ANKRD44: variants seen among roughly 807,000 people sequenced by gnomAD.
ANKRD44 encodes serine/threonine-protein phosphatase 6 regulatory ankyrin repeat subunit B.
ANKRD44 carries 35 observed loss-of-function variants against 116.0 expected under a neutral mutation model. The ratio of observed to expected loss-of-function variants is 0.30; its 90% CI spans 0.23 to 0.40. The LOEUF (loss-of-function observed/expected upper bound fraction) is 0.40, where lower values mean the gene tolerates loss of function less well. ANKRD44 is among the 10% of genes least tolerant of loss of function. The pLI, the probability that ANKRD44 is intolerant of heterozygous loss-of-function variation, is 1.00. For synonymous variants in ANKRD44, 435 were observed against 461.8 expected (o/e 0.94, Z 0.74); for missense variants, 1,014 against 1,242.6 (o/e 0.82, Z 2.77).
In ANKRD44 at chr2:197,125,858, C is replaced by T. The variant is rs761209941; in HGVS notation, c.441G>A (p.Ala147=). Residue 147 remains alanine, a synonymous_variant, in exon 5 of 28, where the codon GCG becomes GCA. Transcript: ENST00000282272. ...CCACCTCCACGTGGCCGTTCAGAGC[C>T]GCATGGTGCAAGGCTGTGCGCCCCC... ...DRGGRTALHH[A]ALNGHVEMVN... 2.5e-5 allele frequency: 40 copies of T among 1,613,998 alleles called. No homozygotes were observed. Among genetic ancestry groups the T allele is most frequent in the Admixed American group, 3.3e-5 (2 of 60,012 alleles).
intron 2 of ANKRD44, among the ~76,000 whole-genome samples, chr2:197,167,527 C>A (rs2080127178): frequency 6.6e-6 from 1 of 152,130 alleles, no homozygotes. Flanking sequence ...GAACCCAAAT[C>A]AAGAATAATT....
At chr2:197,146,888 A>G in intron 3 of ANKRD44, 139 bp downstream of exon 3, 2 of 578,834 alleles carry the variant, frequency 3.5e-6, no homozygotes, top group Non-Finnish European at 3.0e-6. Context: ...TCTTTGTGTA[A>G]TGATAAAATC....
intron 2 of ANKRD44, among the ~76,000 whole-genome samples, chr2:197,177,599 T>G (rs946150814): frequency 3.9e-5 from 6 of 152,204 alleles, no homozygotes; most frequent in African/African-American, 1.2e-4. Flanking sequence ...TGTGTTTGTG[T>G]GTGTGTGTGT....
intron 3 of ANKRD44, among the ~76,000 whole-genome samples, chr2:197,139,124 A>T (rs1034185534): frequency 1.3e-5 from 2 of 152,164 alleles, no homozygotes; most frequent in Non-Finnish European, 2.9e-5. Context: ...ACAATGTGGC[A>T]TTATCTAGTA....
Position 197,212,802 on chromosome 2 carries a change from A to G in ANKRD44, c.28-25696T>C, listed in dbSNP as rs964437405. ...TGGACACGTACACACACAAACACAC[A>G]CTTCAATCAGGAACTCGGTGATCAC... On this transcript the variant is annotated intron_variant, in intron 1 of 27. Coordinates refer to ENST00000282272, the MANE Select transcript of ANKRD44 (RefSeq NM_001195144.2). This position sits in a 1 kb window ranked among gnomAD's most constrained non-coding sequence, Gnocchi z 4.8. Among the ~76,000 whole-genome samples, 4 of 152,122 alleles carry G rather than the reference A, an allele frequency of 2.6e-5. No individual in the cohort carries two copies. The highest frequency in any genetic ancestry group is 2.0e-4 in the Admixed American group (3 of 15,254).
intron 1 of ANKRD44, among the ~76,000 whole-genome samples, chr2:197,289,282 C>T (rs1189998292): frequency 6.6e-6 from 1 of 152,108 alleles, no homozygotes; most frequent in Non-Finnish European, 1.5e-5. Context: ...CAAGTGTTGA[C>T]AAGGATGTGG....
In ANKRD44 at chr2:197,147,046, A is replaced by C; in HGVS notation, c.171T>G (p.Ile57Met). The C allele has an allele frequency of 6.2e-7, 1 of 1,613,818 alleles. No individual in the cohort carries two copies. Among genetic ancestry groups the C allele is most frequent in the Non-Finnish European group, 8.5e-7 (1 of 1,179,754 alleles). Reference protein sequence around the residue: ...VAAFLGDAEIIELLILSGARV... With the variant: ...VAAFLGDAEIMELLILSGARV... Reference sequence around the variant, plus strand: ...ATTTACCTGACAAAATCAGGAGTTCAATGATCTCTGCATCTCCCAGAAATG... The same window carrying C: ...ATTTACCTGACAAAATCAGGAGTTCCATGATCTCTGCATCTCCCAGAAATG... The change falls in exon 3 of 28, where the codon ATT (isoleucine) becomes ATG (methionine). Residue 57 changes from isoleucine to methionine, a missense_variant. Physicochemically the swap from Ile to Met is conservative, Grantham distance 10 (BLOSUM62 1). Coordinates refer to ENST00000282272, the MANE Select transcript of ANKRD44 (RefSeq NM_001195144.2).
At chr2:197,279,433 A>C (rs1481737520) in intron 1 of ANKRD44, among the ~76,000 whole-genome samples, 1 of 152,132 alleles carries the variant, frequency 6.6e-6, no homozygotes, top group Non-Finnish European at 1.5e-5. Flanking sequence ...AAAAGTCGTC[A>C]TGGCTCCCCA....
intron 16 of ANKRD44, among the ~76,000 whole-genome samples, chr2:197,041,152 G>C (rs1189811228): frequency 1.3e-5 from 2 of 152,058 alleles, no homozygotes; most frequent in Non-Finnish European, 2.9e-5. Flanking sequence ...TCTTCCAAAG[G>C]CACTTGTTGG....
intron 9 of ANKRD44, 56 bp from the exon 10 acceptor site, chr2:197,099,986 T>C (rs2078251765): frequency 5.3e-6 from 8 of 1,496,186 alleles, no homozygotes; most frequent in Non-Finnish European, 6.5e-6. Flanking sequence ...ATTCAGGTCC[T>C]ATGTTCTCTG....
intron 4 of ANKRD44, among the ~76,000 whole-genome samples, chr2:197,130,529 G>A (rs1161614764): frequency 6.6e-6 from 1 of 152,118 alleles, no homozygotes; most frequent in African/African-American, 2.4e-5. Flanking sequence ...AGAATCACTA[G>A]GGGTGAGGTT....
chr2:196,988,816 C>T lies in ANKRD44; in HGVS notation c.*775G>A, dbSNP rs972666154. 8 of 985,430 alleles carry T rather than the reference C, an allele frequency of 8.1e-6. No homozygotes were observed. The highest frequency in any genetic ancestry group is 5.2e-4 in the Middle Eastern group (1 of 1,914). The allele number at this position is 985,430 out of a possible 1,614,324, so 61.0% of individuals were successfully genotyped here. ...TCCTTTTGGCACATGTGCCCACACA[C>T]TGCCATCATTTCTCATCAGGTTACT... On this transcript the variant is annotated 3_prime_UTR_variant, in exon 28 of 28. Transcript: ENST00000282272.
At chr2:196,969,457 A>T (rs1388579810) in intron 21 of ANKRD44, among the ~76,000 whole-genome samples, 1 of 152,168 alleles carries the variant, frequency 6.6e-6, no homozygotes, top group Non-Finnish European at 1.5e-5. Context: ...TCCAGAAAAA[A>T]AAAATCCAGA....
Position 197,169,889 on chromosome 2 carries a change from T to A in ANKRD44, c.111+17134A>T, listed in dbSNP as rs2080185457. Reference sequence around the variant, plus strand: ...GGATCATCCCAGCTGTTAAAAATTTTTTAAAAAAAAGAGGGAGGAGGCCAG... The same window carrying A: ...GGATCATCCCAGCTGTTAAAAATTTATTAAAAAAAAGAGGGAGGAGGCCAG... On this transcript the variant is annotated intron_variant, in intron 2 of 27. Transcript: ENST00000282272. 2.0e-5 allele frequency among the ~76,000 whole-genome samples: 3 copies of A among 151,902 alleles called. No homozygotes were observed. In the South Asian group the frequency reaches 6.2e-4, roughly 32 times the overall value.
intron 1 of ANKRD44, among the ~76,000 whole-genome samples, chr2:197,305,681 G>A (rs964274700): frequency 3.9e-5 from 6 of 152,012 alleles, no homozygotes; most frequent in South Asian, 4.1e-4. Context: ...ATGTGCTGGC[G>A]TTGGCTAAAG....
Position 197,055,361 on chromosome 2 carries a change from G to A in ANKRD44, c.1650+23342C>T, listed in dbSNP as rs79584735. 9.3e-3 allele frequency among the ~76,000 whole-genome samples: 1,410 copies of A among 152,124 alleles called. 7 individuals carry two copies. Among genetic ancestry groups the A allele is most frequent in the Middle Eastern group, 0.017 (5 of 294 alleles). ...AGTTCTTCATATATTCTGGATACAA[G>A]ACCTTTTTCATATATATGTATTGCA... On this transcript the variant is annotated intron_variant, in intron 16 of 27. Transcript: ENST00000282272.
rs2083405944 is a variant in ANKRD44, at chr2:197,286,346, G to T, written c.27+24232C>A. Among the ~76,000 whole-genome samples, 6 of 151,402 alleles carry T rather than the reference G, an allele frequency of 4.0e-5. No homozygotes were observed. In the South Asian group the frequency reaches 1.2e-3, roughly 31 times the overall value. On this transcript the variant is annotated intron_variant, in intron 1 of 27. Transcript: ENST00000282272. ...TTTAAAGAGTATCTAAGGACAGAAAGAATTTTTTACCTACTTCTTCTACTT... is the reference window on the plus strand; with the variant it reads ...TTTAAAGAGTATCTAAGGACAGAAATAATTTTTTACCTACTTCTTCTACTT...
At chr2:197,120,629 T>C (rs2579401) in intron 8 of ANKRD44, among the ~76,000 whole-genome samples, 142,233 of 151,912 alleles carry the variant, frequency 0.94, 66,797 homozygotes, top group East Asian at 1. Flanking sequence ...CCAGCCTGGG[T>C]GACAAGAGCA....
intron 10 of ANKRD44, chr2:197,099,555 G>A (rs191940519): frequency 2.6e-5 from 30 of 1,172,578 alleles, no homozygotes; most frequent in Non-Finnish European, 3.2e-5. Flanking sequence ...AGAAAGAAAA[G>A]TTACGAATAA....
Sources: gnomAD v4.1 joint callset for allele counts (sites outside exome capture counted in the v4.1 genomes callset) on GRCh38, gnomAD v4.1.1 for gene constraint, Gnocchi (gnomAD v3.1) non-coding constraint, MANE v1.5 for transcripts, NCBI Gene and HGNC (gene_info 2026-07-23, HGNC 2026-07-21) for gene names.